CCL11: variants seen among roughly 807,000 people sequenced by gnomAD.
CCL11 encodes the protein C-C motif chemokine ligand 11, also known as eotaxin.
A neutral mutation model predicts 7.3 loss-of-function variants in CCL11; 7 were observed. The ratio of observed to expected loss-of-function variants is 0.96; its 90% CI spans 0.55 to 1.81. CCL11 has a LOEUF of 1.81. Among genes scored for constraint, CCL11 ranks in the 40% most tolerant of loss-of-function variants. The pLI is 0.00. For synonymous variants in CCL11, 66 were observed against 45.2 expected (o/e 1.46, Z -1.84); for missense variants, 132 against 114.2 (o/e 1.16, Z -0.71).
chr17:34,287,324 C>A (rs2142212230), intron 2 of CCL11, 117 bp downstream of exon 2: 4 of 733,378 alleles, frequency 5.5e-6, no homozygotes, highest in South Asian at 1.7e-5. Context: ...CCTCTATGGT[C>A]CAATTCATTA....
rs1201590952 is a variant in CCL11 at position 34,287,814 on chromosome 17, A to T, written c.*124A>T. The T allele has an allele frequency of 1.3e-5, 4 of 308,478 alleles. No homozygotes were observed. Among genetic ancestry groups the T allele is most frequent in the Middle Eastern group, 1.5e-3 (2 of 1,314 alleles). The allele number at this position is 308,478 out of a possible 1,614,324, so 19.1% of individuals were successfully genotyped here. On this transcript the variant is annotated 3_prime_UTR_variant, in exon 3 of 3. Coordinates refer to ENST00000305869, the MANE Select transcript of CCL11 (RefSeq NM_002986.3). ...AGGGCATGGGTTTTATTATATATAT[A>T]TATTTTTTTTTTTAAAAAAAAAACG...
Position 34,287,827 on chromosome 17 carries a change from TAAAAAA to T in CCL11, c.*142_*147del, listed in dbSNP as rs35429363. ...TATTATATATATATATTTTTTTTTTTAAAAAAAAAACGTATTGCATTTAATTTATTG... is the reference window on the plus strand; with the variant it reads ...TATTATATATATATATTTTTTTTTTTAAAACGTATTGCATTTAATTTATTG... On this transcript the variant is annotated 3_prime_UTR_variant, in exon 3 of 3. Transcript: ENST00000305869. 9 of 287,174 alleles carry T rather than the reference TAAAAAA, an allele frequency of 3.1e-5. No homozygotes were observed. Among genetic ancestry groups the T allele is most frequent in the African/African-American group, 1.9e-4 (8 of 42,008 alleles). 17.8% of individuals were successfully genotyped at this position (287,174 alleles called of 1,614,324 possible). A position where few individuals can be genotyped will look rare whatever the true frequency, so the allele number is the denominator to read the frequency against.
At position 34,285,780 on chromosome 17, in the gene CCL11, C is replaced by A; in HGVS notation, c.-29C>A. ...CCAACCCAGAAACCACCACCTCTCA[C>A]GCCAAAGCTCACACCTTCAGCCTCC... On this transcript the variant is annotated 5_prime_UTR_variant, in exon 1 of 3. Transcript: ENST00000305869. 2 of 1,587,772 alleles carry A rather than the reference C, an allele frequency of 1.3e-6. No homozygotes were observed. Among genetic ancestry groups the A allele is most frequent in the South Asian group, 1.1e-5 (1 of 88,972 alleles).
At chr17:34,286,423 A>G (rs1469943912) in intron 1 of CCL11, among the ~76,000 whole-genome samples, 1 of 152,252 alleles carries the variant, frequency 6.6e-6, no homozygotes, top group Non-Finnish European at 1.5e-5. Flanking sequence ...AGTGCATAGC[A>G]TGGTAACAAA....
chr17:34,286,035 A>T, intron 1 of CCL11, 151 bp downstream of exon 1: 1 of 600,676 alleles, frequency 1.7e-6, no homozygotes, highest in Non-Finnish European at 2.9e-6. Flanking sequence ...TCAACCTCAC[A>T]TCCAGTCACT....
chr17:34,286,926 G>A (rs971970499), intron 1 of CCL11, among the ~76,000 whole-genome samples, 170 bp from the exon 2 acceptor site: 12 of 152,168 alleles, frequency 7.9e-5, no homozygotes, highest in African/African-American at 2.4e-4. Flanking sequence ...TGAAGACACA[G>A]GACAGCATCC....
intron 2 of CCL11, 83 bp downstream of exon 2, chr17:34,287,290 G>C: frequency 1.0e-6 from 1 of 997,962 alleles, no homozygotes; most frequent in Non-Finnish European, 1.6e-6. Flanking sequence ...CAGTTGCTGG[G>C]AGTCATAGAC....
chr17:34,287,636 G>A lies in CCL11; in HGVS notation c.240G>A (p.Trp80Ter). The change falls in exon 3 of 3, where the codon TGG (tryptophan) becomes TGA (stop). Residue 80 changes from tryptophan (W) to a stop codon, truncating the protein, a stop_gained. Transcript: ENST00000305869. LOFTEE classifies it low-confidence loss of function (END_TRUNC). The stretch of plus-strand genomic sequence containing the variant: ...TCTGTGCCGACCCCAAGAAGAAGTG[G>A]GTGCAGGATTCCATGAAGTATCTGG... Reference protein sequence around the residue: ...KDICADPKKKWVQDSMKYLDQ... With the variant: ...KDICADPKKK 6.2e-7 allele frequency: 1 copy of A among 1,613,720 alleles called. No homozygotes were observed.
intron 1 of CCL11, among the ~76,000 whole-genome samples, chr17:34,286,393 T>G (rs750770757): frequency 1.1e-4 from 17 of 152,178 alleles, no homozygotes; most frequent in Non-Finnish European, 2.1e-4. Context: ...ATTTACTGAG[T>G]GTATCGGTCC....
rs367601754 is a variant in CCL11 at position 34,287,086 on chromosome 17, C to A, written c.77-10C>A. On this transcript the variant is annotated splice_polypyrimidine_tract_variant and intron_variant, in intron 1 of 2. Coordinates refer to ENST00000305869, the MANE Select transcript of CCL11 (RefSeq NM_002986.3). ...TTTTTCTCTGTTCATTTTTTTTCCC[C>A]AAAATTCAGCTTCTGTCCCAACCAC... 9 of 1,600,018 alleles carry A rather than the reference C, an allele frequency of 5.6e-6. No individual in the cohort carries two copies. Among genetic ancestry groups the A allele is most frequent in the Non-Finnish European group, 7.7e-6 (9 of 1,169,528 alleles).
chr17:34,287,687 A>T lies in CCL11; in HGVS notation c.291A>T (p.Pro97=). 6.2e-7 allele frequency: 1 copy of T among 1,606,550 alleles called. No individual in the cohort carries two copies. Among genetic ancestry groups the T allele is most frequent in the South Asian group, 1.1e-5 (1 of 90,878 alleles). The change falls in exon 3 of 3, where the codon CCA becomes CCT. Residue 97 remains proline (P), a synonymous_variant. Coordinates refer to ENST00000305869, the MANE Select transcript of CCL11 (RefSeq NM_002986.3). ...YLDQKSPTPK[P] ...ACCAAAAATCTCCAACTCCAAAGCCATAAATAATCACCATTTTTGAAACCA... is the reference window on the plus strand; with the variant it reads ...ACCAAAAATCTCCAACTCCAAAGCCTTAAATAATCACCATTTTTGAAACCA...
Position 34,287,745 on chromosome 17 carries a change from C to G in CCL11, c.*55C>G. On this transcript the variant is annotated 3_prime_UTR_variant, in exon 3 of 3. Coordinates refer to ENST00000305869, the MANE Select transcript of CCL11 (RefSeq NM_002986.3). ...GCCTGAGTGTTGCCTAATTTGTTTTCCCTTCTTACAATGCATTCTGAGGTA... is the reference window on the plus strand; with the variant it reads ...GCCTGAGTGTTGCCTAATTTGTTTTGCCTTCTTACAATGCATTCTGAGGTA... 8.3e-7 allele frequency: 1 copy of G among 1,198,306 alleles called. No homozygotes were observed. Among genetic ancestry groups the G allele is most frequent in the Non-Finnish European group, 1.2e-6 (1 of 809,704 alleles). 74.2% of individuals were successfully genotyped at this position (1,198,306 alleles called of 1,614,324 possible).
Position 34,287,705 on chromosome 17 carries a change from T to C in CCL11, c.*15T>C. ...CAAAGCCATAAATAATCACCATTTT[T>C]GAAACCAAACCAGAGCCTGAGTGTT... On this transcript the variant is annotated 3_prime_UTR_variant, in exon 3 of 3. Transcript: ENST00000305869. The C allele has an allele frequency of 1.9e-6, 3 of 1,564,624 alleles. No homozygotes were observed. Among genetic ancestry groups the C allele is most frequent in the Non-Finnish European group, 2.6e-6 (3 of 1,135,490 alleles).
At position 34,287,221 on chromosome 17, in the gene CCL11, G is replaced by T; in HGVS notation, c.188+14G>T. On this transcript the variant is annotated intron_variant, in intron 2 of 2. Coordinates refer to ENST00000305869, the MANE Select transcript of CCL11 (RefSeq NM_002986.3). Reference sequence around the variant, plus strand: ...GAAAGCTGTGATGTAAGTAAATAAAGTTCACCCTCCCCTAGACAAAAAAAT... The same window carrying T: ...GAAAGCTGTGATGTAAGTAAATAAATTTCACCCTCCCCTAGACAAAAAAAT... 4 of 1,571,034 alleles carry T rather than the reference G, an allele frequency of 2.5e-6. 1 individual carries two copies. The highest frequency in any genetic ancestry group is 2.6e-6 in the Non-Finnish European group (3 of 1,140,784).
In CCL11 at chr17:34,287,719, A is replaced by C. The variant is rs201621608; in HGVS notation, c.*29A>C. 3.2e-5 allele frequency: 46 copies of C among 1,458,672 alleles called. No individual in the cohort carries two copies. The highest frequency in any genetic ancestry group is 4.0e-5 in the Non-Finnish European group (42 of 1,040,300). The allele number at this position is 1,458,672 out of a possible 1,614,324, so 90.4% of individuals were successfully genotyped here. ...ATCACCATTTTTGAAACCAAACCAG[A>C]GCCTGAGTGTTGCCTAATTTGTTTT... On this transcript the variant is annotated 3_prime_UTR_variant, in exon 3 of 3. Transcript: ENST00000305869.
rs1433349159 is a variant in CCL11 at position 34,287,479 on chromosome 17, C to A, written c.189-106C>A. ...CCAAGAGTCTCATCCTTCCTCCTCT[C>A]CGTAGCAACCCTTTGTCCAGGGGCA... On this transcript the variant is annotated intron_variant, in intron 2 of 2. Coordinates refer to ENST00000305869, the MANE Select transcript of CCL11 (RefSeq NM_002986.3). 3.8e-6 allele frequency: 3 copies of A among 794,502 alleles called. No homozygotes were observed. The African/African-American group carries it at 5.2e-5, about 14-fold the overall frequency. The allele number at this position is 794,502 out of a possible 1,614,324, so 49.2% of individuals were successfully genotyped here.
At chr17:34,285,918 G>A (rs370775153) in intron 1 of CCL11, 34 bp downstream of exon 1, 35 of 1,467,140 alleles carry the variant, frequency 2.4e-5, no homozygotes, top group East Asian at 2.3e-4. Context: ...GAAAGGTAAG[G>A]TAACCACCTC....
chr17:34,286,238 G>A (rs1184173694), intron 1 of CCL11, among the ~76,000 whole-genome samples: 8 of 152,176 alleles, frequency 5.3e-5, no homozygotes, highest in Non-Finnish European at 1.0e-4. Context: ...ATGTTAATTC[G>A]ACTCCAGGAC....
At chr17:34,286,528 C>A (rs199898538) in intron 1 of CCL11, among the ~76,000 whole-genome samples, 2 of 152,346 alleles carry the variant, frequency 1.3e-5, no homozygotes, top group African/African-American at 4.8e-5. Context: ...TGGGCTCAGG[C>A]TTCTGCATTT....
Sources: gnomAD v4.1 joint callset for allele counts (sites outside exome capture counted in the v4.1 genomes callset) on GRCh38, gnomAD v4.1.1 for gene constraint, MANE v1.5 for transcripts, NCBI Gene and HGNC (gene_info 2026-07-23, HGNC 2026-07-21) for gene names.